TRAF2: variants seen among roughly 807,000 people sequenced by gnomAD.
The protein encoded by TRAF2 is TNF receptor associated factor 2.
TRAF2 carries 6 observed loss-of-function variants against 55.6 expected under a neutral mutation model. The ratio of observed to expected loss-of-function variants is 0.11; its 90% CI spans 0.06 to 0.21. The LOEUF (loss-of-function observed/expected upper bound fraction) is 0.21, where lower values mean the gene tolerates loss of function less well. Among genes scored for constraint, TRAF2 ranks in the 10% least tolerant of loss-of-function variants. The pLI is 1.00. For synonymous variants in TRAF2, 329 were observed against 276.3 expected, an observed-to-expected ratio of 1.19 and a Z score of -1.89; for missense variants, 561 against 684.5, an observed-to-expected ratio of 0.82 and a Z score of 2.01.
intron 5 of TRAF2, among the ~76,000 whole-genome samples, chr9:136,909,624 GT>G (rs1349899420): frequency 6.6e-6 from 1 of 152,194 alleles, no homozygotes; most frequent in East Asian, 1.9e-4. Context: ...CGGGAGCAGC[GT>G]TTCCCCATCT....
At chr9:136,889,210 G>T (rs1467747141) in intron 1 of TRAF2, among the ~76,000 whole-genome samples, 29 of 146,986 alleles carry the variant, frequency 2.0e-4, no homozygotes, top group Non-Finnish European at 2.5e-4. Context: ...TGTTTGTGTG[G>T]TTTTTTCTGT....
chr9:136,893,818 C>T (rs372538786), intron 1 of TRAF2, among the ~76,000 whole-genome samples: 291 of 152,134 alleles, frequency 1.9e-3, no homozygotes, highest in Middle Eastern at 0.017. Flanking sequence ...GGTGCAATAT[C>T]GGCTCACTGC....
At chr9:136,906,836 C>T (rs534260250) in intron 4 of TRAF2, among the ~76,000 whole-genome samples, 36 of 152,312 alleles carry the variant, frequency 2.4e-4, no homozygotes, top group African/African-American at 8.2e-4. Flanking sequence ...ATCCTGAATC[C>T]GGCCCTCTCT....
At chr9:136,912,152 CTTTTTTTTTTTTTTTTT>C (rs1180324647) in intron 6 of TRAF2, among the ~76,000 whole-genome samples, 1 of 58,302 alleles carries the variant, frequency 1.7e-5, no homozygotes, top group Non-Finnish European at 3.0e-5. Flanking sequence ...GCGTCTGGCC[CTTTTTTTTTTTTTTTTT>C]TTTTTTTTTT....
chr9:136,921,961 C>T (rs912111125), intron 9 of TRAF2, among the ~76,000 whole-genome samples: 1 of 152,212 alleles, frequency 6.6e-6, no homozygotes, highest in African/African-American at 2.4e-5. Flanking sequence ...GCTCAGAACA[C>T]GCCCTCGTGC....
intron 6 of TRAF2, among the ~76,000 whole-genome samples, chr9:136,912,834 CTAAAAAA>C (rs1850148997): frequency 2.6e-5 from 4 of 152,154 alleles, no homozygotes; most frequent in Middle Eastern, 3.4e-3. Flanking sequence ...GAGAGCCTGT[CTAAAAAA>C]ACAAGTCAAG....
intron 4 of TRAF2, among the ~76,000 whole-genome samples, chr9:136,905,086 G>A (rs1188809541): frequency 1.3e-5 from 2 of 152,216 alleles, no homozygotes; most frequent in African/African-American, 4.8e-5. Flanking sequence ...CCAGAGCAGG[G>A]TCTCCCCTCT....
intron 1 of TRAF2, among the ~76,000 whole-genome samples, chr9:136,898,195 G>T (rs182904945): frequency 6.6e-6 from 1 of 152,210 alleles, no homozygotes; most frequent in African/African-American, 2.4e-5. Flanking sequence ...TGGTCTGGCG[G>T]CATGGCTCTC....
chr9:136,887,217 G>A (rs1033946831), intron 1 of TRAF2, among the ~76,000 whole-genome samples: 1 of 152,238 alleles, frequency 6.6e-6, no homozygotes, highest in Non-Finnish European at 1.5e-5. Flanking sequence ...GATCGGGGCC[G>A]GGGCCTGGTC....
In TRAF2 at chr9:136,911,846, C is replaced by CT. The variant is rs71492143; in HGVS notation, c.603+1873dup. 9.6e-3 allele frequency among the ~76,000 whole-genome samples: 682 copies of CT among 71,366 alleles called. 48 individuals carry two copies. Among genetic ancestry groups the CT allele is most frequent in the Middle Eastern group, 0.03 (2 of 66 alleles). The allele number at this position is 71,366 out of a possible 152,430, so 46.8% of individuals were successfully genotyped here. On this transcript the variant is annotated intron_variant, in intron 6 of 10. Transcript: ENST00000247668. ...GCGTGCTTGGGATTTTCTCTTATCT[C>CT]TTTTTTTTTTTTTTTTTTTTTGAGA...
chr9:136,901,079 A>T (rs1588426505), intron 4 of TRAF2, among the ~76,000 whole-genome samples: 1 of 143,690 alleles, frequency 7.0e-6, no homozygotes, highest in South Asian at 2.1e-4. Context: ...CCCGCACTTC[A>T]CTTGGCTGTG....
intron 4 of TRAF2, chr9:136,902,204 C>T (rs1181166334): frequency 1.3e-5 from 2 of 152,306 alleles, no homozygotes; most frequent in Non-Finnish European, 2.9e-5. Flanking sequence ...ATTGTACCCC[C>T]CACTCCCTGC....
intron 6 of TRAF2, among the ~76,000 whole-genome samples, chr9:136,913,421 C>T (rs937929244): frequency 6.6e-6 from 1 of 150,422 alleles, no homozygotes; most frequent in Non-Finnish European, 1.5e-5. Flanking sequence ...CCTCAGCGTC[C>T]CTAGTAGCTG....
At chr9:136,882,652 C>T (rs184934482), upstream of TRAF2, 122 of 985,790 alleles carry the variant, frequency 1.2e-4, 4 homozygotes, top group East Asian at 6.0e-3. Flanking sequence ...CTGACTTTTG[C>T]TTTCTTTTCG....
At chr9:136,895,704 C>A (rs1849665031) in intron 1 of TRAF2, among the ~76,000 whole-genome samples, 1 of 152,076 alleles carries the variant, frequency 6.6e-6, no homozygotes, top group Non-Finnish European at 1.5e-5. Flanking sequence ...AAAAAATTAG[C>A]CACCTGTGGT....
At chr9:136,899,298 T>C (rs1051627123) in intron 2 of TRAF2, among the ~76,000 whole-genome samples, 1 of 152,198 alleles carries the variant, frequency 6.6e-6, no homozygotes, top group African/African-American at 2.4e-5. Flanking sequence ...AGGTGTGGCC[T>C]GTGCACATCG....
chr9:136,898,020 G>A (rs1027977383), intron 1 of TRAF2, among the ~76,000 whole-genome samples: 10 of 118,712 alleles, frequency 8.4e-5, no homozygotes, highest in South Asian at 3.1e-4. Flanking sequence ...GATGTGCTAC[G>A]TTCCCGCTCT....
Position 136,925,912 on chromosome 9 carries a change from C to CT in TRAF2, c.*12dup. 1 of 1,613,760 alleles carries CT rather than the reference C, an allele frequency of 6.2e-7. No homozygotes were observed. Among genetic ancestry groups the CT allele is most frequent in the Non-Finnish European group, 8.5e-7 (1 of 1,179,868 alleles). ...CTGACAGGGCTCTAACTGCCCCCTA[C>CT]TGGTGTCTGGGGGTTGGGGGCAGCC... is the stretch of plus-strand genomic sequence containing the variant. On this transcript the variant is annotated 3_prime_UTR_variant, in exon 11 of 11. Coordinates refer to ENST00000247668, the MANE Select transcript of TRAF2 (RefSeq NM_021138.4).
intron 7 of TRAF2, among the ~76,000 whole-genome samples, chr9:136,917,287 A>C (rs930823016): frequency 6.6e-6 from 1 of 151,916 alleles, no homozygotes; most frequent in African/African-American, 2.4e-5. Context: ...CCCTCCCCTC[A>C]GCTATCTCCT....
Sources: gnomAD v4.1 joint callset for allele counts (sites outside exome capture counted in the v4.1 genomes callset) on GRCh38, gnomAD v4.1.1 for gene constraint, MANE v1.5 for transcripts, NCBI Gene and HGNC (gene_info 2026-07-23, HGNC 2026-07-21) for gene names.